CNBD2: variants seen among roughly 807,000 people sequenced by gnomAD.
CNBD2 encodes the protein cyclic nucleotide binding domain containing 2, also known as cyclic nucleotide-binding domain-containing protein 2.
CNBD2 carries 64 observed loss-of-function variants against 63.7 expected under a neutral mutation model. The observed-to-expected ratio is 1.00, with a 90% confidence interval of 0.82 to 1.24. The LOEUF is 1.24. Among genes scored for constraint, CNBD2 ranks in the 50% most tolerant of loss-of-function variants. The pLI, the probability that CNBD2 is intolerant of heterozygous loss-of-function variation, is 0.00. For missense variants in CNBD2, 691 were observed against 713.5 expected (o/e 0.97, Z 0.36); for synonymous variants, 229 against 255.4 (o/e 0.90, Z 0.99).
intron 7 of CNBD2, among the ~76,000 whole-genome samples, chr20:35,990,254 T>G (rs1351671941): frequency 6.6e-6 from 1 of 152,200 alleles, no homozygotes; most frequent in Non-Finnish European, 1.5e-5. Flanking sequence ...AGAAAATGCT[T>G]ATAATGCAGA....
intron 10 of CNBD2, among the ~76,000 whole-genome samples, chr20:36,022,173 C>A (rs1452775201): frequency 6.9e-6 from 1 of 145,908 alleles, no homozygotes; most frequent in Non-Finnish European, 1.5e-5. Flanking sequence ...CATCACCATG[C>A]CCGGCTAATT....
intron 4 of CNBD2, among the ~76,000 whole-genome samples, chr20:35,983,646 A>C (rs2056626271): frequency 6.6e-6 from 1 of 152,122 alleles, no homozygotes; most frequent in Non-Finnish European, 1.5e-5. Flanking sequence ...TCATTTAGTG[A>C]CTCTACTAAC....
intron 7 of CNBD2, among the ~76,000 whole-genome samples, chr20:35,992,498 A>C (rs1414471768): frequency 1.3e-5 from 2 of 152,174 alleles, no homozygotes; most frequent in African/African-American, 4.8e-5. Context: ...CATTTGAGCA[A>C]GTGCTGTAGG....
intron 2 of CNBD2, 26 bp downstream of exon 2, chr20:35,972,792 A>T: frequency 1.2e-6 from 2 of 1,612,684 alleles, no homozygotes; most frequent in Non-Finnish European, 1.7e-6. Context: ...CAGCAGGATT[A>T]TGAGGGCTCA....
At chr20:35,981,646 C>T (rs1486695368) in intron 4 of CNBD2, among the ~76,000 whole-genome samples, 2 of 152,096 alleles carry the variant, frequency 1.3e-5, no homozygotes, top group African/African-American at 4.8e-5. Context: ...CACTATGTTG[C>T]TCAGGGTGGT....
chr20:36,002,982 C>CT (rs918513832), intron 8 of CNBD2, among the ~76,000 whole-genome samples: 48 of 148,720 alleles, frequency 3.2e-4, no homozygotes, highest in African/African-American at 4.4e-4. Context: ...TTTTTTTATT[C>CT]TTTTTTTTTT....
rs2057249212 is a variant in CNBD2 at position 36,023,718 on chromosome 20, CAAT to C, written c.1387_1389del (p.Asn463del). 6.2e-7 allele frequency: 1 copy of C among 1,613,588 alleles called. No homozygotes were observed. Among genetic ancestry groups the C allele is most frequent in the Non-Finnish European group, 8.5e-7 (1 of 1,179,826 alleles). The stretch of plus-strand genomic sequence containing the variant: ...AGGAAATATTTTATGAACTGATTGA[CAAT>C]GATGACGAGATGATAAAAAAGTTGT... On this transcript the variant is annotated inframe_deletion, in exon 11 of 12. Coordinates refer to ENST00000373973, the MANE Select transcript of CNBD2 (RefSeq NM_001365709.1).
intron 1 of CNBD2, among the ~76,000 whole-genome samples, chr20:35,970,790 A>T (rs1016797093): frequency 6.6e-6 from 1 of 152,098 alleles, no homozygotes; most frequent in Admixed American, 6.6e-5. Context: ...ATCATAGCTC[A>T]TTGCAACCTT....
intron 10 of CNBD2, among the ~76,000 whole-genome samples, chr20:36,020,681 C>G (rs547619234): frequency 1.3e-5 from 2 of 152,142 alleles, no homozygotes; most frequent in South Asian, 4.2e-4. Context: ...GGTGTAAATT[C>G]ATATATATAT....
chr20:36,002,312 A>T (rs1175697699), intron 8 of CNBD2, among the ~76,000 whole-genome samples: 1 of 152,234 alleles, frequency 6.6e-6, no homozygotes, highest in East Asian at 1.9e-4. Context: ...CAGGAGAATC[A>T]GGCAGGGAGG....
rs1568861738 is a variant in CNBD2, at chr20:35,976,874, T to G, written c.243+872T>G. 3.3e-5 allele frequency among the ~76,000 whole-genome samples: 5 copies of G among 152,184 alleles called. No homozygotes were observed. The South Asian group carries it at 1.0e-3, about 32-fold the overall frequency. On this transcript the variant is annotated intron_variant, in intron 3 of 11. Transcript: ENST00000373973. ...CAGTGGAAGGGGAAAGAAAAGAACT[T>G]TATAATGGGTATCAGGGCCACCTGT...
intron 2 of CNBD2, chr20:35,974,616 C>T: frequency 6.5e-6 from 1 of 153,112 alleles, no homozygotes. Context: ...ATGTGTGAAT[C>T]TGGATGTTTC....
At chr20:35,974,620 A>ATGTTTCT (rs1030393163) in intron 2 of CNBD2, 73 of 153,004 alleles carry the variant, frequency 4.8e-4, no homozygotes, top group African/African-American at 1.7e-3. Context: ...GTGAATCTGG[A>ATGTTTCT]TGTTTCTGAG....
intron 8 of CNBD2, among the ~76,000 whole-genome samples, chr20:36,001,725 C>T (rs1351413351): frequency 1.6e-4 from 22 of 135,856 alleles, no homozygotes; most frequent in East Asian, 4.6e-4. Context: ...GACGGGGTCG[C>T]GGCCGGGTAG....
intron 11 of CNBD2, among the ~76,000 whole-genome samples, chr20:36,029,440 C>G (rs1568938357): frequency 6.6e-6 from 1 of 152,322 alleles, no homozygotes; most frequent in South Asian, 2.1e-4. Flanking sequence ...ACAACCAGCT[C>G]TCCAAGATGC....
chr20:35,957,319 G>A (rs1258540477), downstream of CNBD2, among the ~76,000 whole-genome samples: 1 of 152,226 alleles, frequency 6.6e-6, no homozygotes, highest in South Asian at 2.1e-4. Context: ...GGGCGCGGTG[G>A]CTCATGCCTG....
At position 35,972,615 on chromosome 20, in the gene CNBD2, C is replaced by T. The variant is rs766560309; in HGVS notation, c.52-14C>T. On this transcript the variant is annotated splice_polypyrimidine_tract_variant and intron_variant, in intron 1 of 11. Coordinates refer to ENST00000373973, the MANE Select transcript of CNBD2 (RefSeq NM_001365709.1). ...AGATGGTTTCTATTGATCTTGTTTG[C>T]TTTGTTTCCATAGGGACTGTACCAG... is the stretch of plus-strand genomic sequence containing the variant. 2 of 1,613,518 alleles carry T rather than the reference C, an allele frequency of 1.2e-6. No individual in the cohort carries two copies. Among genetic ancestry groups the T allele is most frequent in the East Asian group, 4.5e-5 (2 of 44,878 alleles).
At chr20:35,994,987 ACCTGG>A (rs1601056686) in intron 7 of CNBD2, 46 bp from the exon 8 acceptor site, 2 of 1,285,504 alleles carry the variant, frequency 1.6e-6, no homozygotes, top group African/African-American at 1.5e-5. Context: ...AGCCTGGCCT[ACCTGG>A]AGCCTTAGGG....
At chr20:35,972,540 A>G (rs995411213) in intron 1 of CNBD2, 89 bp from the exon 2 acceptor site, 14 of 1,270,360 alleles carry the variant, frequency 1.1e-5, no homozygotes, top group Non-Finnish European at 1.6e-5. Flanking sequence ...TAATCCTGGT[A>G]AATTTCACCT....
Sources: allele counts gnomAD v4.1 joint callset (sites outside exome capture counted in the v4.1 genomes callset), GRCh38; gene constraint gnomAD v4.1.1; transcripts MANE v1.5; gene names NCBI Gene and HGNC (gene_info 2026-07-23, HGNC 2026-07-21).